The following MACROH2A1 variants were observed in gnomAD, a reference collection of about 807,000 sequenced individuals.
The protein encoded by MACROH2A1 is macroH2A.1 histone, also known as core histone macro-H2A.1.
A neutral mutation model predicts 31.6 loss-of-function variants in MACROH2A1; 2 were observed. The observed-to-expected ratio is 0.06, with a 90% CI of 0.03 to 0.20. The LOEUF (loss-of-function observed/expected upper bound fraction) is 0.20, where lower values mean the gene tolerates loss of function less well. Ranked by LOEUF, MACROH2A1 falls within the 10% of genes least tolerant of loss-of-function variation. The pLI is 1.00. For synonymous variants in MACROH2A1, 169 were observed against 189.6 expected (o/e 0.89, Z 0.89); for missense variants, 230 against 474.0 (o/e 0.49, Z 4.78).
Position 135,335,132 on chromosome 5 carries a change from A to G in MACROH2A1, c.963T>C (p.Phe321=), listed in dbSNP as rs1211835219. 1 of 1,613,580 alleles carries G rather than the reference A, an allele frequency of 6.2e-7. No homozygotes were observed. Among genetic ancestry groups the G allele is most frequent in the East Asian group, 2.2e-5 (1 of 44,894 alleles). The change falls in exon 9 of 9, where the codon TTT becomes TTC. Residue 321 remains phenylalanine (F), a synonymous_variant. Coordinates refer to ENST00000511689, the MANE Select transcript of MACROH2A1 (RefSeq NM_138610.3). ...TCAGCTGAGCTGCTGTCTGCTTTGGAAAACCGTTCCTGGAGAAGAGAAGAT... is the reference window on the plus strand; with the variant it reads ...TCAGCTGAGCTGCTGTCTGCTTTGGGAAACCGTTCCTGGAGAAGAGAAGAT... ...FPSIGSGRNG[F]PKQTAAQLIL... is the part of the protein sequence containing the mutation.
At position 135,352,862 on chromosome 5, in the gene MACROH2A1, G is replaced by A. The variant is rs1581188054; in HGVS notation, c.688+84C>T. On this transcript the variant is annotated intron_variant, in intron 6 of 8. Transcript: ENST00000511689. ...GGAAATTTGGCTTGACCACTGTAAAGTCTGGGAAGATGAAATGCCTAAATT... is the reference window on the plus strand; with the variant it reads ...GGAAATTTGGCTTGACCACTGTAAAATCTGGGAAGATGAAATGCCTAAATT... 47 of 816,648 alleles carry A rather than the reference G, an allele frequency of 5.8e-5. 1 individual carries two copies. The East Asian group carries it at 1.1e-3, about 20-fold the overall frequency. The allele number at this position is 816,648 out of a possible 1,614,324, so 50.6% of individuals were successfully genotyped here. A position where few individuals can be genotyped will look rare whatever the true frequency, so the allele number is the denominator to read the frequency against.
chr5:135,343,173 G>A lies in MACROH2A1; in HGVS notation c.953+87C>T, dbSNP rs868733. ...GGTTAAGGCAGCCTCCGTGGGCCTT[G>A]CACAGAGTGAGAGCACCACAATTAT... On this transcript the variant is annotated intron_variant, in intron 8 of 8. Transcript: ENST00000511689. 92,619 of 1,601,934 alleles carry A rather than the reference G, an allele frequency of 0.058. 3,098 individuals carry two copies. The highest frequency in any genetic ancestry group is 0.12 in the Middle Eastern group (750 of 6,052).
At chr5:135,382,791 C>T (rs1765829850) in intron 2 of MACROH2A1, among the ~76,000 whole-genome samples, 1 of 152,206 alleles carries the variant, frequency 6.6e-6, no homozygotes, top group Non-Finnish European at 1.5e-5. Flanking sequence ...AGTCTGACCG[C>T]TGGCCTTGGG....
Position 135,398,475 on chromosome 5 carries a change from C to G in MACROH2A1, c.-34+587G>C, listed in dbSNP as rs976010700. Reference sequence around the variant, plus strand: ...GCCCATCCTTGGACCACTCCCCAACCCGGTCCCCCGCACCAGCCCGGCTTC... The same window carrying G: ...GCCCATCCTTGGACCACTCCCCAACGCGGTCCCCCGCACCAGCCCGGCTTC... On this transcript the variant is annotated intron_variant, in intron 1 of 8. Transcript: ENST00000511689. This position sits in a 1 kb window ranked among gnomAD's most constrained non-coding sequence, Gnocchi z 4.6. Among the ~76,000 whole-genome samples, 1 of 152,260 alleles carries G rather than the reference C, an allele frequency of 6.6e-6. No individual in the cohort carries two copies. The highest frequency in any genetic ancestry group is 1.5e-5 in the Non-Finnish European group (1 of 68,046).
At chr5:135,357,905 T>C (rs1762370341) in intron 5 of MACROH2A1, 1 of 985,038 alleles carries the variant, frequency 1.0e-6, no homozygotes, top group East Asian at 1.1e-4. Flanking sequence ...CAACCATGCC[T>C]TACAGGGCTG....
chr5:135,386,759 C>T (rs1297558195), intron 2 of MACROH2A1, among the ~76,000 whole-genome samples: 1 of 152,160 alleles, frequency 6.6e-6, no homozygotes, highest in Non-Finnish European at 1.5e-5. Context: ...TATGCAGCAC[C>T]GGTAGTAGTT....
At chr5:135,358,736 T>C in intron 5 of MACROH2A1, 1 of 954,634 alleles carries the variant, frequency 1.0e-6, no homozygotes, top group South Asian at 4.8e-5. Flanking sequence ...GTATCAATAC[T>C]TTTCTATGGC....
At chr5:135,338,016 A>T (rs1274226030) in intron 8 of MACROH2A1, 103 of 1,171,482 alleles carry the variant, frequency 8.8e-5, no homozygotes, top group Non-Finnish European at 1.0e-4. Context: ...TGGCGGAGGT[A>T]ACGGCTTTCC....
chr5:135,335,996 G>A (rs1758589417), intron 8 of MACROH2A1, among the ~76,000 whole-genome samples: 1 of 152,182 alleles, frequency 6.6e-6, no homozygotes, highest in African/African-American at 2.4e-5. Context: ...TACAGTTAAG[G>A]ATACTGAGGG....
At position 135,396,075 on chromosome 5, in the gene MACROH2A1, A is replaced by T. The variant is rs143964066; in HGVS notation, c.-34+2987T>A. Among the ~76,000 whole-genome samples the T allele has an allele frequency of 3.2e-3, 484 of 152,328 alleles. 5 individuals are homozygous for T. Among genetic ancestry groups the T allele is most frequent in the African/African-American group, 0.011 (448 of 41,560 alleles). ...TTCACCTCTGCAAACCCATTCGGTG[A>T]TGCGCTTCCCGAGATGCACTGAAGG... On this transcript the variant is annotated intron_variant, in intron 1 of 8. Coordinates refer to ENST00000511689, the MANE Select transcript of MACROH2A1 (RefSeq NM_138610.3).
chr5:135,352,165 T>A (rs908203798), intron 6 of MACROH2A1, among the ~76,000 whole-genome samples: 1 of 152,234 alleles, frequency 6.6e-6, no homozygotes, highest in African/African-American at 2.4e-5. Flanking sequence ...GCTGCATCTG[T>A]GTGCCTATTT....
At chr5:135,335,194 G>A in intron 8 of MACROH2A1, 53 bp from the exon 9 acceptor site, 1 of 1,417,716 alleles carries the variant, frequency 7.1e-7, no homozygotes, top group Non-Finnish European at 9.9e-7. Flanking sequence ...GGGGCTGCAG[G>A]ACCTGCCCCA....
chr5:135,343,737 C>T lies in MACROH2A1; in HGVS notation c.779-303G>A, dbSNP rs549607615. On this transcript the variant is annotated intron_variant, in intron 7 of 8. Coordinates refer to ENST00000511689, the MANE Select transcript of MACROH2A1 (RefSeq NM_138610.3). ...CTCCCAGAGGCAGAGCCTTATCCAT[C>T]AAAACTCAACTGAACGCAAACTCAA... 7.7e-6 allele frequency: 3 copies of T among 390,180 alleles called. No homozygotes were observed. In the East Asian group the frequency reaches 1.5e-4, roughly 19 times the overall value. The allele number at this position is 390,180 out of a possible 1,614,324, so 24.2% of individuals were successfully genotyped here.
chr5:135,389,356 C>G, intron 1 of MACROH2A1: 1 of 337,018 alleles, frequency 3.0e-6, no homozygotes, highest in Non-Finnish European at 5.4e-6. Context: ...TACTTAAGTG[C>G]CTTGCCATTA....
At chr5:135,352,766 C>T (rs1225437265) in intron 6 of MACROH2A1, among the ~76,000 whole-genome samples, 180 bp downstream of exon 6, 1 of 152,190 alleles carries the variant, frequency 6.6e-6, no homozygotes, top group Non-Finnish European at 1.5e-5. Flanking sequence ...ATGAAACAGA[C>T]CGTTTACACT....
At chr5:135,379,664 G>A (rs933169378) in intron 2 of MACROH2A1, among the ~76,000 whole-genome samples, 5 of 152,102 alleles carry the variant, frequency 3.3e-5, no homozygotes, top group Admixed American at 2.0e-4. Flanking sequence ...ATGTTCTATC[G>A]GTTGCTGGTA....
intron 2 of MACROH2A1, among the ~76,000 whole-genome samples, chr5:135,374,868 G>A (rs1764646852): frequency 6.6e-6 from 1 of 152,182 alleles, no homozygotes; most frequent in South Asian, 2.1e-4. Flanking sequence ...GAAACCACAG[G>A]AAGAAACGGA....
Position 135,334,864 on chromosome 5 carries a change from C to A in MACROH2A1, c.*112G>T. The A allele has an allele frequency of 2.2e-6, 2 of 901,550 alleles. No individual in the cohort carries two copies. The highest frequency in any genetic ancestry group is 1.7e-5 in the South Asian group (1 of 58,792). 55.8% of individuals were successfully genotyped at this position (901,550 alleles called of 1,614,324 possible). On this transcript the variant is annotated 3_prime_UTR_variant, in exon 9 of 9. Coordinates refer to ENST00000511689, the MANE Select transcript of MACROH2A1 (RefSeq NM_138610.3). ...CAAAGCCTTATTTTCCCTAGATGAG[C>A]AAAACTGAAAATGAAAGGGGTCCCA...
intron 8 of MACROH2A1, 172 bp downstream of exon 8, chr5:135,343,088 T>C (rs368218465): frequency 6.8e-7 from 1 of 1,475,860 alleles, no homozygotes; most frequent in South Asian, 1.3e-5. Context: ...GTCTCTCTAA[T>C]TGTCCCTCAC....
Sources: gnomAD v4.1 joint callset for allele counts (sites outside exome capture counted in the v4.1 genomes callset) on GRCh38, gnomAD v4.1.1 for gene constraint, Gnocchi (gnomAD v3.1) non-coding constraint, MANE v1.5 for transcripts, NCBI Gene and HGNC (gene_info 2026-07-23, HGNC 2026-07-21) for gene names.